TSNARE1: variants seen among roughly 807,000 people sequenced by gnomAD.
TSNARE1 encodes the protein t-SNARE domain containing 1, also known as t-SNARE domain-containing protein 1.
TSNARE1 carries 49 observed loss-of-function variants against 62.0 expected under a neutral mutation model. That is an observed-to-expected ratio of 0.79 (90% CI 0.63 to 1.00). TSNARE1 has a LOEUF of 1.00. Ranked by LOEUF, TSNARE1 falls within the 50% of genes least tolerant of loss-of-function variation. The pLI is 0.00. For synonymous variants in TSNARE1, 328 were observed against 294.4 expected (o/e 1.11, Z -1.17); for missense variants, 755 against 700.1 (o/e 1.08, Z -0.88).
At chr8:142,213,445 C>G (rs1007623535) in intron 13 of TSNARE1, among the ~76,000 whole-genome samples, 2 of 151,162 alleles carry the variant, frequency 1.3e-5, no homozygotes, top group Admixed American at 6.6e-5. Flanking sequence ...TTTTTTGCAG[C>G]AAGCATGTAT....
In TSNARE1 at chr8:142,354,759, C is replaced by G. The variant is rs1353453897; in HGVS notation, c.-35G>C. 1.9e-6 allele frequency: 3 copies of G among 1,550,542 alleles called. No homozygotes were observed. The East Asian group carries it at 6.7e-5, about 35-fold the overall frequency. Reference sequence around the variant, plus strand: ...GATGGCAGGGCCAGCAGCCTCCACACTGAGCTGGAGGAAACACGAAAAGCA... The same window carrying G: ...GATGGCAGGGCCAGCAGCCTCCACAGTGAGCTGGAGGAAACACGAAAAGCA... On this transcript the variant is annotated 5_prime_UTR_variant, in exon 2 of 14. Coordinates refer to ENST00000524325, the MANE Select transcript of TSNARE1 (RefSeq NM_145003.5).
At chr8:142,255,968 T>A (rs1191969499) in intron 12 of TSNARE1, among the ~76,000 whole-genome samples, 1 of 68,130 alleles carries the variant, frequency 1.5e-5, no homozygotes, top group African/African-American at 5.5e-5. Context: ...ACCACCACCA[T>A]CACCATCACC....
In TSNARE1 at chr8:142,243,682, G is replaced by C. The variant is rs189090393; in HGVS notation, c.1447-14103C>G. Among the ~76,000 whole-genome samples, 2 of 152,144 alleles carry C rather than the reference G, an allele frequency of 1.3e-5. 1 individual carries two copies. The highest frequency in any genetic ancestry group is 4.1e-4 in the South Asian group (2 of 4,824). On this transcript the variant is annotated intron_variant, in intron 12 of 13. Transcript: ENST00000524325. ...GAGCAATACGTTCTGGTGCTCTAAC[G>C]TACAGCATGGTAACTCTAGTGAATA...
intron 3 of TSNARE1, 26 bp downstream of exon 3, chr8:142,345,715 CCT>C (rs756047286): frequency 7.1e-6 from 11 of 1,553,854 alleles, no homozygotes; most frequent in Middle Eastern, 1.7e-4. Context: ...TCCCAGGACC[CCT>C]GAGACCCAGC....
At chr8:142,357,359 G>A (rs972650484) in intron 1 of TSNARE1, among the ~76,000 whole-genome samples, 19 of 152,222 alleles carry the variant, frequency 1.2e-4, no homozygotes, top group Non-Finnish European at 1.5e-5. Flanking sequence ...AGCGGCTCAA[G>A]GGGGCTCTGA....
At position 142,344,251 on chromosome 8, in the gene TSNARE1, T is replaced by C; in HGVS notation, c.460A>G (p.Lys154Glu). 6.2e-7 allele frequency: 1 copy of C among 1,610,782 alleles called. No homozygotes were observed. Among genetic ancestry groups the C allele is most frequent in the Non-Finnish European group, 8.5e-7 (1 of 1,177,716 alleles). Residue 154 changes from lysine (K) to glutamate (E), a missense_variant, in exon 4 of 14, where the codon AAG becomes GAG. By Grantham distance (56) the Lys-to-Glu change is moderately conservative. Coordinates refer to ENST00000524325, the MANE Select transcript of TSNARE1 (RefSeq NM_145003.5). ...HQLLFGTGLL[K>E]AEPTRRYRVW... ...CGGTACCTGCGAGTGGGCTCGGCCT[T>C]CAGCAGCCCCGTGCCAAACAGCAGC...
intron 11 of TSNARE1, chr8:142,275,662 G>A (rs145959269): frequency 0.017 from 16,873 of 985,456 alleles, 172 homozygotes; most frequent in Non-Finnish European, 0.019. Flanking sequence ...CTTCCCGGAG[G>A]GAGGTTCCTT....
chr8:142,380,020 G>T (rs2131193866), intron 1 of TSNARE1, among the ~76,000 whole-genome samples: 1 of 152,318 alleles, frequency 6.6e-6, no homozygotes, highest in Non-Finnish European at 1.5e-5. Context: ...GAACATGTGG[G>T]TCTCGCACAC....
intron 11 of TSNARE1, chr8:142,278,888 T>G: frequency 1.2e-6 from 1 of 804,358 alleles, no homozygotes; most frequent in Non-Finnish European, 1.5e-6. Context: ...AGAGTCAAGC[T>G]GGGGCCCAGG....
intron 1 of TSNARE1, among the ~76,000 whole-genome samples, chr8:142,369,014 A>G (rs1251095432): frequency 1.3e-5 from 2 of 152,198 alleles, no homozygotes; most frequent in African/African-American, 4.8e-5. Context: ...GGGAAGGGTC[A>G]CTGTGAAACC....
At chr8:142,363,973 G>A (rs950417009) in intron 1 of TSNARE1, among the ~76,000 whole-genome samples, 2 of 152,222 alleles carry the variant, frequency 1.3e-5, no homozygotes, top group Non-Finnish European at 2.9e-5. Flanking sequence ...GGTTCCAGGT[G>A]AGGAAGAAGA....
intron 10 of TSNARE1, among the ~76,000 whole-genome samples, chr8:142,292,395 T>G (rs1376384844): frequency 6.6e-6 from 1 of 152,090 alleles, no homozygotes; most frequent in Non-Finnish European, 1.5e-5. Flanking sequence ...CTCATGGGAA[T>G]TTTGAAGATG....
chr8:142,256,309 AT>A, intron 12 of TSNARE1, among the ~76,000 whole-genome samples: 1 of 99,678 alleles, frequency 1.0e-5, no homozygotes, highest in Non-Finnish European at 2.2e-5. Flanking sequence ...CACCACCACC[AT>A]CATCACCACC....
chr8:142,219,466 T>A (rs759995960), intron 13 of TSNARE1, among the ~76,000 whole-genome samples: 11 of 152,142 alleles, frequency 7.2e-5, no homozygotes, highest in Non-Finnish European at 1.2e-4. Flanking sequence ...CTTTACAGAT[T>A]CTGGTACCAA....
At chr8:142,227,314 CCCA>C (rs1055435562) in intron 13 of TSNARE1, among the ~76,000 whole-genome samples, 45 of 128,016 alleles carry the variant, frequency 3.5e-4, no homozygotes, top group Non-Finnish European at 5.9e-5. Flanking sequence ...CCCCTTCCTG[CCCA>C]CAACTCCAGT....
chr8:142,358,900 C>T (rs1456670815), intron 1 of TSNARE1, among the ~76,000 whole-genome samples: 1 of 152,108 alleles, frequency 6.6e-6, no homozygotes, highest in African/African-American at 2.4e-5. Context: ...CCATCCTGCG[C>T]TGGCCCAGCC....
At chr8:142,249,914 C>G (rs1367194493) in intron 12 of TSNARE1, among the ~76,000 whole-genome samples, 5 of 152,224 alleles carry the variant, frequency 3.3e-5, no homozygotes, top group Non-Finnish European at 7.3e-5. Context: ...CACCCGCAAC[C>G]TGGGGGCAAT....
At chr8:142,361,225 G>C (rs1209228322) in intron 1 of TSNARE1, among the ~76,000 whole-genome samples, 3 of 152,224 alleles carry the variant, frequency 2.0e-5, no homozygotes, top group African/African-American at 7.2e-5. Flanking sequence ...AGACAGGCCT[G>C]GCCTGCTCTC....
At chr8:142,400,922 C>T (rs896980623) in intron 1 of TSNARE1, among the ~76,000 whole-genome samples, 1 of 152,334 alleles carries the variant, frequency 6.6e-6, no homozygotes, top group East Asian at 1.9e-4. Flanking sequence ...GAACACAGTT[C>T]CCTGGTCACC....
Sources: gnomAD v4.1 joint callset for allele counts (sites outside exome capture counted in the v4.1 genomes callset) on GRCh38, gnomAD v4.1.1 for gene constraint, MANE v1.5 for transcripts, NCBI Gene and HGNC (gene_info 2026-07-23, HGNC 2026-07-21) for gene names.